Variants in LRP1B observed in about 807,000 individuals in gnomAD.
The protein encoded by LRP1B is low-density lipoprotein receptor-related protein 1B.
In LRP1B, 217 loss-of-function variants were observed where a neutral mutation model predicts 556.6. The observed-to-expected ratio is 0.39, with a 90% CI of 0.35 to 0.44. LRP1B has a LOEUF of 0.44. Among genes scored for constraint, LRP1B ranks in the 20% least tolerant of loss-of-function variants. The pLI is 1.00. For missense variants in LRP1B, 5,053 were observed against 5,620.8 expected (o/e 0.90, Z 3.23); for synonymous variants, 2,047 against 1,865.8 (o/e 1.10, Z -2.50).
At chr2:140,950,678 T>C (rs577531682) in intron 19 of LRP1B, among the ~76,000 whole-genome samples, 2 of 152,018 alleles carry the variant, frequency 1.3e-5, no homozygotes, top group Non-Finnish European at 2.9e-5. Context: ...TTAGTAAAGA[T>C]GGGGTTTCGC....
chr2:140,510,082 TAAG>T (rs1336563057), intron 51 of LRP1B, 26 bp from the exon 52 acceptor site: 8 of 1,610,796 alleles, frequency 5.0e-6, no homozygotes, highest in Non-Finnish European at 6.8e-6. Context: ...ATAATGCCAT[TAAG>T]ATTACTCTGT....
chr2:140,648,934 G>T (rs1311708468), intron 41 of LRP1B, among the ~76,000 whole-genome samples: 2 of 152,138 alleles, frequency 1.3e-5, no homozygotes, highest in Non-Finnish European at 2.9e-5. Flanking sequence ...GGAGAATGTA[G>T]ATTATGATTA....
chr2:141,994,603 G>A (rs1702436656), intron 1 of LRP1B, among the ~76,000 whole-genome samples: 1 of 152,140 alleles, frequency 6.6e-6, no homozygotes, highest in Admixed American at 6.6e-5. Flanking sequence ...GGAATGGTGA[G>A]TGCAAGAGAC....
intron 2 of LRP1B, among the ~76,000 whole-genome samples, chr2:141,764,917 G>A (rs1437166235): frequency 6.6e-6 from 1 of 151,998 alleles, no homozygotes; most frequent in African/African-American, 2.4e-5. Flanking sequence ...CATACTGTTT[G>A]TTTTATCTAT....
At chr2:140,415,795 C>T (rs72898250) in intron 66 of LRP1B, among the ~76,000 whole-genome samples, 5,618 of 152,216 alleles carry the variant, frequency 0.037, 112 homozygotes, top group South Asian at 0.066. Flanking sequence ...TTGTCTTTTG[C>T]CACACTCCCC....
chr2:141,110,825 C>T (rs1700732308), intron 7 of LRP1B, among the ~76,000 whole-genome samples: 1 of 152,118 alleles, frequency 6.6e-6, no homozygotes, highest in Middle Eastern at 3.2e-3. Context: ...AAGGGAAATT[C>T]TGAGAAGGCT....
intron 7 of LRP1B, among the ~76,000 whole-genome samples, chr2:141,170,169 A>G (rs1222943998): frequency 1.3e-5 from 2 of 152,106 alleles, no homozygotes; most frequent in Non-Finnish European, 2.9e-5. Flanking sequence ...TGGGGCAACC[A>G]AGCCACCAGT....
chr2:141,155,024 C>T (rs1455402307), intron 7 of LRP1B, among the ~76,000 whole-genome samples: 3 of 151,654 alleles, frequency 2.0e-5, no homozygotes, highest in African/African-American at 4.8e-5. Context: ...AAAAATAAAA[C>T]AAAAGTAGTT....
chr2:141,896,870 C>T (rs1292294531), intron 1 of LRP1B, among the ~76,000 whole-genome samples: 1 of 152,146 alleles, frequency 6.6e-6, no homozygotes, highest in African/African-American at 2.4e-5. Flanking sequence ...ATTGGTATCT[C>T]AGGGATGGAA....
chr2:141,277,273 C>T (rs1226862834), intron 3 of LRP1B, among the ~76,000 whole-genome samples: 1 of 152,178 alleles, frequency 6.6e-6, no homozygotes, highest in African/African-American at 2.4e-5. Context: ...ATAAGCATTC[C>T]CTTTTCACCA....
chr2:142,084,224 C>T lies in LRP1B; in HGVS notation c.82+46424G>A, dbSNP rs146032217. On this transcript the variant is annotated intron_variant, in intron 1 of 90. Coordinates refer to ENST00000389484, the MANE Select transcript of LRP1B (RefSeq NM_018557.3). ...TTTGAACTCCTGACCTCAGGTGATC[C>T]GCCCACCTTGGCCTCCCAAAGTGTT... Among the ~76,000 whole-genome samples, 526 of 152,228 alleles carry T rather than the reference C, an allele frequency of 3.5e-3. 3 individuals are homozygous for T. The highest frequency in any genetic ancestry group is 5.0e-3 in the Non-Finnish European group (340 of 68,012).
intron 1 of LRP1B, among the ~76,000 whole-genome samples, chr2:141,889,756 A>G (rs1699227721): frequency 6.6e-6 from 1 of 152,184 alleles, no homozygotes; most frequent in South Asian, 2.1e-4. Flanking sequence ...TAATAATCAA[A>G]ATGTAAACAA....
chr2:140,649,460 G>A (rs1259833265), intron 41 of LRP1B, among the ~76,000 whole-genome samples: 1 of 152,136 alleles, frequency 6.6e-6, no homozygotes, highest in Non-Finnish European at 1.5e-5. Flanking sequence ...TCTCCAAATT[G>A]TCCCCAGACT....
intron 15 of LRP1B, among the ~76,000 whole-genome samples, chr2:141,000,606 C>G (rs1697390012): frequency 1.3e-5 from 2 of 151,494 alleles, no homozygotes; most frequent in African/African-American, 4.9e-5. Flanking sequence ...CTACATTCCA[C>G]TTGCACTGTG....
intron 3 of LRP1B, among the ~76,000 whole-genome samples, chr2:141,312,933 G>C (rs539768179): frequency 6.6e-6 from 1 of 151,822 alleles, no homozygotes; most frequent in African/African-American, 2.4e-5. Context: ...CACCCACCTC[G>C]ACCTCCCAAA....
intron 75 of LRP1B, among the ~76,000 whole-genome samples, chr2:140,356,111 G>A (rs1682198358): frequency 6.6e-6 from 1 of 151,826 alleles, no homozygotes; most frequent in Non-Finnish European, 1.5e-5. Flanking sequence ...TGAAATTCCT[G>A]CAGCTCTGAA....
chr2:141,196,349 A>G (rs757050119), intron 6 of LRP1B, among the ~76,000 whole-genome samples: 30 of 152,058 alleles, frequency 2.0e-4, no homozygotes, highest in Admixed American at 1.2e-3. Flanking sequence ...AAGCTTATAT[A>G]TAACTTAACG....
intron 7 of LRP1B, among the ~76,000 whole-genome samples, chr2:141,080,649 T>C (rs1699899990): frequency 6.6e-6 from 1 of 152,188 alleles, no homozygotes; most frequent in South Asian, 2.1e-4. Context: ...TGGTAAACGA[T>C]GGTGCATACA....
chr2:141,743,626 G>A (rs1166675295), intron 2 of LRP1B, among the ~76,000 whole-genome samples: 1 of 149,676 alleles, frequency 6.7e-6, no homozygotes, highest in East Asian at 2.0e-4. Context: ...TTTTTATTGT[G>A]GGTTTAATGT....
Sources: gnomAD v4.1 joint callset for allele counts (sites outside exome capture counted in the v4.1 genomes callset) on GRCh38, gnomAD v4.1.1 for gene constraint, MANE v1.5 for transcripts, NCBI Gene and HGNC (gene_info 2026-07-23, HGNC 2026-07-21) for gene names.